The following PRAP1 variants were observed in gnomAD, a reference collection of about 807,000 sequenced individuals.
PRAP1 encodes the protein proline rich acidic protein 1.
A neutral mutation model predicts 14.6 loss-of-function variants in PRAP1; 12 were observed. The observed-to-expected ratio is 0.82, with a 90% CI of 0.53 to 1.33. The LOEUF (loss-of-function observed/expected upper bound fraction) is 1.33. Ranked by LOEUF, PRAP1 falls within the 40% of genes most tolerant of loss-of-function variation. The probability of loss-of-function intolerance (pLI) is 0.00; values close to 1 mark genes in which losing one functional copy is unlikely to be tolerated. For missense variants in PRAP1, 160 were observed against 193.7 expected (o/e 0.83, Z 1.03); for synonymous variants, 81 against 80.3 (o/e 1.01, Z -0.04).
Position 133,351,527 on chromosome 10 carries a change from G to A in PRAP1, c.128+94G>A. 1.0e-6 allele frequency: 1 copy of A among 988,266 alleles called. No individual in the cohort carries two copies. The highest frequency in any genetic ancestry group is 1.5e-6 in the Non-Finnish European group (1 of 651,552). 61.2% of individuals were successfully genotyped at this position (988,266 alleles called of 1,614,324 possible). The stretch of plus-strand genomic sequence containing the variant: ...TCCTGAACCTGGAGAGCACGGGGCA[G>A]ATGCAGAGAGGAGCCCTGTCCAGCA... On this transcript the variant is annotated intron_variant, in intron 3 of 4. Transcript: ENST00000433452. The surrounding 1 kb of genome is among the most constrained non-coding windows in gnomAD (Gnocchi z 4.3).
chr10:133,351,272 A>G lies in PRAP1; in HGVS notation c.76-109A>G. 1.7e-6 allele frequency: 1 copy of G among 581,774 alleles called. No homozygotes were observed. Among genetic ancestry groups the G allele is most frequent in the Non-Finnish European group, 3.0e-6 (1 of 332,140 alleles). 36.0% of individuals were successfully genotyped at this position (581,774 alleles called of 1,614,324 possible). A position where few individuals can be genotyped will look rare whatever the true frequency, so the allele number is the denominator to read the frequency against. On this transcript the variant is annotated intron_variant, in intron 2 of 4. Transcript: ENST00000433452. The surrounding 1 kb of genome is among the most constrained non-coding windows in gnomAD (Gnocchi z 4.3). ...AGCTGGCCCTGCCCCCACCCCCTGC[A>G]GCCACCTCCACCCCATGCAGCCCCA...
chr10:133,349,957 G>T, intron 1 of PRAP1, 138 bp from the exon 2 acceptor site: 1 of 697,070 alleles, frequency 1.4e-6, no homozygotes, highest in South Asian at 1.7e-5. Context: ...TGGCCCATGT[G>T]AGCACAGTCC....
intron 1 of PRAP1, among the ~76,000 whole-genome samples, chr10:133,349,282 AACAT>A (rs1848637766): frequency 6.6e-6 from 1 of 151,140 alleles, no homozygotes; most frequent in South Asian, 2.1e-4. Context: ...CACCACACAC[AACAT>A]ACACACACAT....
At position 133,352,119 on chromosome 10, in the gene PRAP1, G is replaced by T; in HGVS notation, c.241G>T (p.Gly81Cys). 1 of 1,613,032 alleles carries T rather than the reference G, an allele frequency of 6.2e-7. No individual in the cohort carries two copies. Among genetic ancestry groups the T allele is most frequent in the East Asian group, 2.2e-5 (1 of 44,872 alleles). Residue 81 changes from glycine (G) to cysteine (C), a missense_variant, in exon 4 of 5, where the codon GGC becomes TGC. Transcript: ENST00000433452. Reference protein sequence around the residue: ...LTTEEKPRGQGRGPILPGTKA... With the variant: ...LTTEEKPRGQCRGPILPGTKA... ...CACCGAGGAGAAGCCACGAGGTCAG[G>T]GCAGGGGCCCCATCCTTCCAGGTGG...
Position 133,351,066 on chromosome 10 carries a change from G to T in PRAP1, c.76-315G>T, listed in dbSNP as rs1207668958. Among the ~76,000 whole-genome samples, 1 of 152,158 alleles carries T rather than the reference G, an allele frequency of 6.6e-6. No homozygotes were observed. The highest frequency in any genetic ancestry group is 1.5e-5 in the Non-Finnish European group (1 of 68,016). On this transcript the variant is annotated intron_variant, in intron 2 of 4. Transcript: ENST00000433452. The surrounding 1 kb of genome is among the most constrained non-coding windows in gnomAD (Gnocchi z 4.3). ...AAAACAGCCAGTGCATTGACGGCCA[G>T]GGTTGGGAGTGCTAGGTCAGGGATA... is the stretch of plus-strand genomic sequence containing the variant.
chr10:133,352,488 G>T lies in PRAP1; in HGVS notation c.*48G>T, dbSNP rs1848698474. 2 of 1,534,584 alleles carry T rather than the reference G, an allele frequency of 1.3e-6. No individual in the cohort carries two copies. The highest frequency in any genetic ancestry group is 1.2e-5 in the South Asian group (1 of 86,126). On this transcript the variant is annotated 3_prime_UTR_variant, in exon 5 of 5. Coordinates refer to ENST00000433452, the MANE Select transcript of PRAP1 (RefSeq NM_145202.5). ...CCCGCCCTGTCCCAAGGCCCAGGCT[G>T]TTGGGACTGGGACCCTCCCTACCCT...
chr10:133,352,143 G>A lies in PRAP1; in HGVS notation c.262+3G>A. 3 of 1,613,010 alleles carry A rather than the reference G, an allele frequency of 1.9e-6. No homozygotes were observed. The highest frequency in any genetic ancestry group is 2.2e-5 in the East Asian group (1 of 44,876). ...GGGCAGGGGCCCCATCCTTCCAGGT[G>A]GGCACAAGGTCACAGCAGCAGAGTC... On this transcript the variant is annotated splice_donor_region_variant and intron_variant, in intron 4 of 4. Transcript: ENST00000433452.
chr10:133,350,256 T>C (rs1001565324), intron 2 of PRAP1, 95 bp downstream of exon 2: 2 of 1,131,518 alleles, frequency 1.8e-6, no homozygotes, highest in Non-Finnish European at 2.6e-6. Flanking sequence ...TCTTCTGGCT[T>C]CAAACCCCAA....
At chr10:133,352,211 G>T (rs1235914745) in intron 4 of PRAP1, 36 bp from the exon 5 acceptor site, 1 of 1,610,782 alleles carries the variant, frequency 6.2e-7, no homozygotes, top group Non-Finnish European at 8.5e-7. Context: ...TCTCGGGAAA[G>T]AAACTGAGAC....
Position 133,350,112 on chromosome 10 carries a change from G to T in PRAP1, c.26G>T (p.Ser9Ile), listed in dbSNP as rs754261256. 2 of 1,613,532 alleles carry T rather than the reference G, an allele frequency of 1.2e-6. No individual in the cohort carries two copies. The highest frequency in any genetic ancestry group is 1.7e-6 in the Non-Finnish European group (2 of 1,179,802). Residue 9 changes from serine (S) to isoleucine (I), a missense_variant, in exon 2 of 5, where the codon AGC becomes ATC. Physicochemically the swap from Ser to Ile is moderately radical, Grantham distance 142. Coordinates refer to ENST00000433452, the MANE Select transcript of PRAP1 (RefSeq NM_145202.5). MRRLLLVT[S>I]LVVVLLWEAG... ...CCCCTCAGGCTCCTCCTGGTCACCAGCCTGGTGGTTGTGCTGCTGTGGGAG... is the reference window on the plus strand; with the variant it reads ...CCCCTCAGGCTCCTCCTGGTCACCATCCTGGTGGTTGTGCTGCTGTGGGAG...
chr10:133,350,027 G>C, intron 1 of PRAP1, 68 bp from the exon 2 acceptor site: 1 of 1,451,764 alleles, frequency 6.9e-7, no homozygotes, highest in Non-Finnish European at 9.5e-7. Flanking sequence ...CTGCCCATCA[G>C]GGTGCTGCCT....
chr10:133,348,258 G>A (rs1848615083), intron 1 of PRAP1, among the ~76,000 whole-genome samples: 1 of 152,164 alleles, frequency 6.6e-6, no homozygotes, highest in Admixed American at 6.5e-5. Flanking sequence ...CCCCTGCCCA[G>A]CATCAGAACC....
intron 1 of PRAP1, 56 bp from the exon 2 acceptor site, chr10:133,350,039 G>C: frequency 6.5e-7 from 1 of 1,534,198 alleles, no homozygotes. Flanking sequence ...GTGCTGCCTG[G>C]AGTTCAGGGC....
intron 1 of PRAP1, among the ~76,000 whole-genome samples, 159 bp from the exon 2 acceptor site, chr10:133,349,936 C>T (rs908123751): frequency 6.6e-6 from 1 of 152,202 alleles, no homozygotes; most frequent in African/African-American, 2.4e-5. Flanking sequence ...CTGTTCTGTG[C>T]CTGCGTGTCT....
rs200604572 is a variant in PRAP1, at chr10:133,350,084, C to T, written c.9-11C>T. The T allele has an allele frequency of 6.2e-7, 1 of 1,610,790 alleles. No individual in the cohort carries two copies. The highest frequency in any genetic ancestry group is 8.5e-7 in the Non-Finnish European group (1 of 1,178,314). ...CCCTACCTCACACTTCCCTCTCTGG[C>T]CCCCCCTCAGGCTCCTCCTGGTCAC... On this transcript the variant is annotated splice_polypyrimidine_tract_variant and intron_variant, in intron 1 of 4. Transcript: ENST00000433452.
chr10:133,352,562 C>T lies in PRAP1; in HGVS notation c.*122C>T. The T allele has an allele frequency of 1.3e-6, 1 of 797,704 alleles. No individual in the cohort carries two copies. Among genetic ancestry groups the T allele is most frequent in the Non-Finnish European group, 2.0e-6 (1 of 499,444 alleles). The allele number at this position is 797,704 out of a possible 1,614,324, so 49.4% of individuals were successfully genotyped here. On this transcript the variant is annotated 3_prime_UTR_variant, in exon 5 of 5. Transcript: ENST00000433452. ...CAGCAGGCCGGGCGCGGTGGCTCAC[C>T]TCTGTAATCCCAGCACTTTTAGAGG...
Position 133,352,533 on chromosome 10 carries a change from A to C in PRAP1, c.*93A>C. The C allele has an allele frequency of 1.7e-6, 2 of 1,156,100 alleles. No homozygotes were observed. The highest frequency in any genetic ancestry group is 2.5e-6 in the Non-Finnish European group (2 of 806,890). The allele number at this position is 1,156,100 out of a possible 1,614,324, so 71.6% of individuals were successfully genotyped here. On this transcript the variant is annotated 3_prime_UTR_variant, in exon 5 of 5. Coordinates refer to ENST00000433452, the MANE Select transcript of PRAP1 (RefSeq NM_145202.5). ...TACCCTGCCCCAGCTAGACAAATAA[A>C]CCCCAGCAGGCCGGGCGCGGTGGCT...
At position 133,347,640 on chromosome 10, in the gene PRAP1, C is replaced by T. The variant is rs964173548; in HGVS notation, c.8+215C>T. Among the ~76,000 whole-genome samples, 1 of 152,182 alleles carries T rather than the reference C, an allele frequency of 6.6e-6. No individual in the cohort carries two copies. The highest frequency in any genetic ancestry group is 1.5e-5 in the Non-Finnish European group (1 of 68,016). On this transcript the variant is annotated intron_variant, in intron 1 of 4. Transcript: ENST00000433452. This position sits in a 1 kb window ranked among gnomAD's most constrained non-coding sequence, Gnocchi z 5.0. ...CCGAGTGCACTTGCCTCTTGGTTCC[C>T]CTGGCCTGGTGGAGAATCACCCAGG...
At position 133,351,440 on chromosome 10, in the gene PRAP1, C is replaced by G. The variant is rs567777046; in HGVS notation, c.128+7C>G. 2.5e-6 allele frequency: 4 copies of G among 1,597,722 alleles called. No individual in the cohort carries two copies. The highest frequency in any genetic ancestry group is 3.4e-6 in the Non-Finnish European group (4 of 1,170,128). On this transcript the variant is annotated splice_region_variant and intron_variant, in intron 3 of 4. Transcript: ENST00000433452. The surrounding 1 kb of genome is among the most constrained non-coding windows in gnomAD (Gnocchi z 4.3). ...CAGAGCAGGACCCAGAGAAGTAAGT[C>G]CCCCCAACCCCACCTCCCCACCACC...
Sources: allele counts gnomAD v4.1 joint callset (sites outside exome capture counted in the v4.1 genomes callset), GRCh38; gene constraint gnomAD v4.1.1; non-coding constraint Gnocchi (gnomAD v3.1); transcripts MANE v1.5; gene names NCBI Gene and HGNC (gene_info 2026-07-23, HGNC 2026-07-21).